Variants in CACNB2 observed in about 807,000 individuals in gnomAD.
CACNB2 encodes voltage-dependent L-type calcium channel subunit beta-2.
In CACNB2, 42 loss-of-function variants were observed where a neutral mutation model predicts 73.3. That is an observed-to-expected ratio of 0.57 (90% CI 0.45 to 0.74). CACNB2 has a LOEUF of 0.74. Among genes scored for constraint, CACNB2 ranks in the 30% least tolerant of loss-of-function variants. The pLI, the probability that CACNB2 is intolerant of heterozygous loss-of-function variation, is 0.00. For missense variants in CACNB2, 940 were observed against 853.0 expected (o/e 1.10, Z -1.27); for synonymous variants, 348 against 310.3 (o/e 1.12, Z -1.28).
chr10:18,542,772 G>T lies in CACNB2; in HGVS notation c.*3048G>T, dbSNP rs935991017. 4.3e-4 allele frequency: 65 copies of T among 152,266 alleles called. No individual in the cohort carries two copies. Among genetic ancestry groups the T allele is most frequent in the African/African-American group, 1.4e-3 (57 of 41,548 alleles). The allele number at this position is 152,266 out of a possible 1,614,324, so 9.4% of individuals were successfully genotyped here. A position where few individuals can be genotyped will look rare whatever the true frequency, so the allele number is the denominator to read the frequency against. ...GCAATGGGATATTTACTGACCTGCG[G>T]AATGTAAAGTTACAGTCTTTTCACA... On this transcript the variant is annotated 3_prime_UTR_variant, in exon 14 of 14. Transcript: ENST00000324631.
chr10:18,212,242 A>G (rs903587718), intron 2 of CACNB2, among the ~76,000 whole-genome samples: 5 of 152,340 alleles, frequency 3.3e-5, no homozygotes, highest in Middle Eastern at 6.8e-3. Context: ...AACCAGCAGC[A>G]TCTGAGTTCT....
At chr10:18,339,781 C>A (rs1320741729) in intron 2 of CACNB2, among the ~76,000 whole-genome samples, 7 of 152,086 alleles carry the variant, frequency 4.6e-5, no homozygotes, top group South Asian at 2.1e-4. Flanking sequence ...TTGTCATGTG[C>A]CACAAAATAC....
intron 10 of CACNB2, among the ~76,000 whole-genome samples, chr10:18,527,955 G>A (rs1364916335): frequency 2.0e-5 from 3 of 152,160 alleles, no homozygotes; most frequent in Non-Finnish European, 2.9e-5. Flanking sequence ...GAGCTTTGGT[G>A]TCTGCAGACT....
chr10:18,163,469 A>T (rs2032620173), intron 2 of CACNB2, among the ~76,000 whole-genome samples: 1 of 152,122 alleles, frequency 6.6e-6, no homozygotes, highest in Non-Finnish European at 1.5e-5. Context: ...GCCACTGACC[A>T]TGACCATGGG....
chr10:18,432,465 TG>T, intron 3 of CACNB2, among the ~76,000 whole-genome samples: 1 of 151,964 alleles, frequency 6.6e-6, no homozygotes, highest in Non-Finnish European at 1.5e-5. Context: ...TGTGTGTGTG[TG>T]TGTGTGTGTG....
At chr10:18,407,667 C>A (rs1011211082) in intron 3 of CACNB2, among the ~76,000 whole-genome samples, 1 of 151,942 alleles carries the variant, frequency 6.6e-6, no homozygotes, top group Non-Finnish European at 1.5e-5. Context: ...CTGGTTTGTG[C>A]GATATTTGAT....
At chr10:18,265,150 T>TA (rs1554780470) in intron 2 of CACNB2, among the ~76,000 whole-genome samples, 1 of 74,632 alleles carries the variant, frequency 1.3e-5, no homozygotes, top group African/African-American at 4.5e-5. Flanking sequence ...GGCCATCTTC[T>TA]TTTTTTTTTT....
chr10:18,331,759 G>C (rs1008239240), intron 2 of CACNB2, among the ~76,000 whole-genome samples: 1 of 152,234 alleles, frequency 6.6e-6, no homozygotes, highest in Non-Finnish European at 1.5e-5. Flanking sequence ...CAACAGAGCC[G>C]GGCCTAGCTC....
At chr10:18,256,096 T>G (rs2037276552) in intron 2 of CACNB2, among the ~76,000 whole-genome samples, 5 of 152,204 alleles carry the variant, frequency 3.3e-5, no homozygotes. Flanking sequence ...TTATCTACAT[T>G]TACCTTTGAT....
At chr10:18,260,064 G>A (rs186099995) in intron 2 of CACNB2, among the ~76,000 whole-genome samples, 5 of 152,254 alleles carry the variant, frequency 3.3e-5, no homozygotes, top group African/African-American at 2.4e-5. Flanking sequence ...CTTGGGCATG[G>A]GTGCAAATTT....
chr10:18,485,047 T>G (rs994324040), intron 3 of CACNB2, among the ~76,000 whole-genome samples: 5 of 151,972 alleles, frequency 3.3e-5, no homozygotes, highest in Admixed American at 1.3e-4. Context: ...CCCAGCTACT[T>G]GGGAGGATCA....
At chr10:18,432,796 T>C (rs2045951282) in intron 3 of CACNB2, among the ~76,000 whole-genome samples, 1 of 151,952 alleles carries the variant, frequency 6.6e-6, no homozygotes, top group Non-Finnish European at 1.5e-5. Context: ...GACTGTGCCA[T>C]TGTACTCTAC....
chr10:18,265,372 C>A (rs897162262), intron 2 of CACNB2, among the ~76,000 whole-genome samples: 1 of 152,050 alleles, frequency 6.6e-6, no homozygotes. Flanking sequence ...CCCTTGTGAT[C>A]CGCCCACCTC....
At chr10:18,225,514 C>G (rs1295251005) in intron 2 of CACNB2, among the ~76,000 whole-genome samples, 1 of 150,712 alleles carries the variant, frequency 6.6e-6, no homozygotes, top group Non-Finnish European at 1.5e-5. Context: ...AAATAATTTT[C>G]TCTCTCTCTT....
chr10:18,220,244 GA>G (rs1564354099), intron 2 of CACNB2, among the ~76,000 whole-genome samples: 7 of 97,492 alleles, frequency 7.2e-5, no homozygotes, highest in African/African-American at 3.6e-4. Flanking sequence ...GAGAGAGAGA[GA>G]GAGAGAGAGA....
At chr10:18,528,049 G>A (rs1488832357) in intron 10 of CACNB2, among the ~76,000 whole-genome samples, 1 of 152,072 alleles carries the variant, frequency 6.6e-6, no homozygotes, top group Non-Finnish European at 1.5e-5. Flanking sequence ...TCCTAAAAAA[G>A]AAATAAAATA....
intron 2 of CACNB2, among the ~76,000 whole-genome samples, chr10:18,258,453 C>A (rs918685077): frequency 6.6e-6 from 1 of 152,122 alleles, no homozygotes; most frequent in African/African-American, 2.4e-5. Flanking sequence ...TGAGGCCGGG[C>A]ACGGTGGCTC....
chr10:18,200,413 T>A (rs2034829253), intron 2 of CACNB2, among the ~76,000 whole-genome samples: 1 of 152,048 alleles, frequency 6.6e-6, no homozygotes, highest in Non-Finnish European at 1.5e-5. Flanking sequence ...TTACATGAAT[T>A]GGAATATGGC....
chr10:18,457,254 C>A (rs893092525), intron 3 of CACNB2, among the ~76,000 whole-genome samples: 1 of 152,122 alleles, frequency 6.6e-6, no homozygotes, highest in African/African-American at 2.4e-5. Context: ...CCACAACCAA[C>A]TAATTTTTCA....
Sources: allele counts gnomAD v4.1 joint callset (sites outside exome capture counted in the v4.1 genomes callset), GRCh38; gene constraint gnomAD v4.1.1; transcripts MANE v1.5; gene names NCBI Gene and HGNC (gene_info 2026-07-23, HGNC 2026-07-21).